The following TFG variants were observed in gnomAD, a reference collection of about 807,000 sequenced individuals.
TFG encodes the protein protein TFG.
Under a neutral mutation model 51.4 loss-of-function variants are expected in TFG, and 22 were observed. The observed-to-expected ratio is 0.43, with a 90% confidence interval of 0.31 to 0.61. TFG has a LOEUF of 0.61. TFG is among the 20% of genes least tolerant of loss of function. The pLI is 0.12. For missense variants in TFG, 419 were observed against 487.7 expected (o/e 0.86, Z 1.33); for synonymous variants, 187 against 165.6 (o/e 1.13, Z -0.99).
intron 4 of TFG, among the ~76,000 whole-genome samples, chr3:100,732,088 C>T (rs2095093068): frequency 6.6e-6 from 1 of 152,000 alleles, no homozygotes; most frequent in Non-Finnish European, 1.5e-5. Flanking sequence ...AACCTTAGTT[C>T]AGTTTCTTTT....
chr3:100,745,497 CTGAG>C (rs1286555873), intron 7 of TFG, among the ~76,000 whole-genome samples: 8 of 151,970 alleles, frequency 5.3e-5, no homozygotes, highest in Non-Finnish European at 8.8e-5. Context: ...AATAAGCATC[CTGAG>C]TATTTTGTTT....
intron 3 of TFG, among the ~76,000 whole-genome samples, chr3:100,728,236 A>G (rs1414416454): frequency 6.6e-6 from 1 of 152,100 alleles, no homozygotes; most frequent in Non-Finnish European, 1.5e-5. Context: ...CCTATCAGTC[A>G]TGTTATATCT....
At chr3:100,717,579 G>GTTTTTTTTTTTTTTTTTTTTGT (rs55750598) in intron 2 of TFG, among the ~76,000 whole-genome samples, 1 of 116,554 alleles carries the variant, frequency 8.6e-6, no homozygotes, top group Non-Finnish European at 1.8e-5. Flanking sequence ...TTTCATCAGT[G>GTTTTTTTTTTTTTTTTTTTTGT]TTTTTTTTTT....
chr3:100,733,576 T>C (rs2095097641), intron 5 of TFG, among the ~76,000 whole-genome samples: 3 of 152,180 alleles, frequency 2.0e-5, no homozygotes, highest in Non-Finnish European at 4.4e-5. Context: ...CTTGGACCCA[T>C]TTGGAGTCAG....
chr3:100,719,275 C>A (rs947489493), intron 2 of TFG, among the ~76,000 whole-genome samples: 27 of 152,162 alleles, frequency 1.8e-4, no homozygotes, highest in African/African-American at 6.5e-4. Flanking sequence ...CTGATGAACT[C>A]CTTGTCTCTG....
intron 2 of TFG, among the ~76,000 whole-genome samples, chr3:100,714,124 C>G (rs1306256517): frequency 6.6e-6 from 1 of 152,116 alleles, no homozygotes; most frequent in Non-Finnish European, 1.5e-5. Flanking sequence ...TTCCCATCCT[C>G]TCTTCACGGT....
chr3:100,723,358 T>C (rs774200693), intron 3 of TFG, among the ~76,000 whole-genome samples: 49 of 151,978 alleles, frequency 3.2e-4, no homozygotes, highest in Middle Eastern at 3.2e-3. Flanking sequence ...TTCAGTTCAG[T>C]AGAAAGTGGT....
chr3:100,742,598 T>A (rs3087787), intron 6 of TFG: 95,463 of 151,824 alleles, frequency 0.63, 30,553 homozygotes, highest in South Asian at 0.83. Flanking sequence ...CATTTAGACA[T>A]GCTAAGTAAC....
rs773786874 is a variant in TFG at position 100,732,560 on chromosome 3, G to C, written c.468G>C (p.Gln156His). 6.2e-7 allele frequency: 1 copy of C among 1,612,706 alleles called. No individual in the cohort carries two copies. Among genetic ancestry groups the C allele is most frequent in the African/African-American group, 1.3e-5 (1 of 74,810 alleles). Residue 156 changes from glutamine to histidine, a missense_variant, in exon 5 of 8, where the codon CAG becomes CAC. Around this residue, in one of 3 missense-constraint regions of TFG, gnomAD observed 391 missense variants for 434.4 expected, o/e 0.90. Coordinates refer to ENST00000240851, the MANE Select transcript of TFG (RefSeq NM_006070.6). Reference sequence around the variant, plus strand: ...CTGCTTCTGATTCTTCTGGAAAACAGTCTACTCAGGTTATGGCAGCAAGTA... The same window carrying C: ...CTGCTTCTGATTCTTCTGGAAAACACTCTACTCAGGTTATGGCAGCAAGTA... The part of the protein sequence containing the change: ...EKSASDSSGK[Q>H]STQVMAASMS...
intron 6 of TFG, among the ~76,000 whole-genome samples, chr3:100,741,722 T>C (rs1216269221): frequency 6.6e-6 from 1 of 152,206 alleles, no homozygotes; most frequent in Non-Finnish European, 1.5e-5. Context: ...GCTCCAGTCA[T>C]GGTAAGTGCC....
chr3:100,712,281 G>A (rs1266145748), intron 1 of TFG, among the ~76,000 whole-genome samples: 1 of 152,166 alleles, frequency 6.6e-6, no homozygotes, highest in Non-Finnish European at 1.5e-5. Flanking sequence ...CTTTTTTGAA[G>A]TACTTGAAGG....
intron 5 of TFG, among the ~76,000 whole-genome samples, chr3:100,735,085 A>G (rs1213908799): frequency 6.6e-6 from 1 of 152,198 alleles, no homozygotes; most frequent in African/African-American, 2.4e-5. Flanking sequence ...TATTTAGGCT[A>G]ATAACAGTGT....
intron 4 of TFG, among the ~76,000 whole-genome samples, chr3:100,729,537 G>A (rs915257896): frequency 4.6e-5 from 7 of 151,940 alleles, no homozygotes; most frequent in Non-Finnish European, 8.8e-5. Flanking sequence ...TTAAAAAACT[G>A]CTTTCTTCTT....
Position 100,748,196 on chromosome 3 carries a change from G to A in TFG, c.868G>A (p.Gly290Arg). ...ACCTCAACAACCTCAGCAGTTCCAGGGATATGGCCAGCAACCAACTTCCCA... is the reference window on the plus strand; with the variant it reads ...ACCTCAACAACCTCAGCAGTTCCAGAGATATGGCCAGCAACCAACTTCCCA... ...TGPQQPQQFQ[G>R]YGQQPTSQAP... The change falls in exon 8 of 8, where the codon GGA becomes AGA. Residue 290 changes from glycine (G) to arginine (R), a missense_variant. Gly to Arg is a moderately radical substitution (Grantham distance 125, BLOSUM62 -2). Around this residue, in one of 3 missense-constraint regions of TFG, gnomAD observed 391 missense variants for 434.4 expected, o/e 0.90. Coordinates refer to ENST00000240851, the MANE Select transcript of TFG (RefSeq NM_006070.6). 2 of 1,614,068 alleles carry A rather than the reference G, an allele frequency of 1.2e-6. No homozygotes were observed. The highest frequency in any genetic ancestry group is 8.5e-7 in the Non-Finnish European group (1 of 1,179,968).
At chr3:100,715,110 A>G (rs1420629487) in intron 2 of TFG, among the ~76,000 whole-genome samples, 1 of 152,204 alleles carries the variant, frequency 6.6e-6, no homozygotes, top group Non-Finnish European at 1.5e-5. Context: ...GACACTGCTT[A>G]ACCTAGTTTT....
intron 6 of TFG, chr3:100,743,170 T>G (rs138982414): frequency 2.6e-5 from 4 of 152,338 alleles, no homozygotes; most frequent in African/African-American, 7.2e-5. Context: ...AGCTATTGAC[T>G]GCAGGTAAGT....
At chr3:100,715,239 C>A (rs1205616784) in intron 2 of TFG, among the ~76,000 whole-genome samples, 4 of 152,164 alleles carry the variant, frequency 2.6e-5, no homozygotes, top group Non-Finnish European at 5.9e-5. Flanking sequence ...TTTCAGGGAT[C>A]CAGGTTGAAA....
At chr3:100,723,429 G>A (rs1424212449) in intron 3 of TFG, among the ~76,000 whole-genome samples, 3 of 152,026 alleles carry the variant, frequency 2.0e-5, no homozygotes, top group Non-Finnish European at 4.4e-5. Context: ...ACAGTACACA[G>A]AAATTGACTA....
Position 100,748,362 on chromosome 3 carries a change from C to T in TFG, c.1034C>T (p.Ser345Phe). The T allele has an allele frequency of 5.0e-6, 8 of 1,614,130 alleles. No homozygotes were observed. Among genetic ancestry groups the T allele is most frequent in the Non-Finnish European group, 6.8e-6 (8 of 1,180,004 alleles). Residue 345 changes from serine (S) to phenylalanine (F), a missense_variant, in exon 8 of 8, where the codon TCT becomes TTT. Transcript: ENST00000240851. ...ACTAATTATACTGTGGCTCCTGCCT[C>T]TCAACCTGGAATGGCTCCAAGCCAA... ...QPTNYTVAPA[S>F]QPGMAPSQPG... is the part of the protein sequence containing the mutation.
Sources: allele counts gnomAD v4.1 joint callset (sites outside exome capture counted in the v4.1 genomes callset), GRCh38; gene constraint gnomAD v4.1.1; regional missense constraint gnomAD v4.1.1; transcripts MANE v1.5; gene names NCBI Gene and HGNC (gene_info 2026-07-23, HGNC 2026-07-21).